Variants in ABCB1 observed in about 807,000 individuals in gnomAD.
ABCB1 encodes the protein ATP-dependent translocase ABCB1.
Under a neutral mutation model 142.0 loss-of-function variants are expected in ABCB1, and 69 were observed. The ratio of observed to expected loss-of-function variants is 0.49; its 90% confidence interval spans 0.40 to 0.59. The LOEUF (loss-of-function observed/expected upper bound fraction) is 0.59. Ranked by LOEUF, ABCB1 falls within the 20% of genes least tolerant of loss-of-function variation. ABCB1 has a pLI of 0.00. For missense variants in ABCB1, 1,326 were observed against 1,554.7 expected (o/e 0.85, Z 2.47); for synonymous variants, 532 against 539.2 (o/e 0.99, Z 0.18).
In ABCB1 at chr7:87,600,106, A is replaced by C; in HGVS notation, c.68+11T>G. ...ACTATGTAAACTATGAAAATGAAAC[A>C]AGCTAGTTACCTTTTATTGTTCAGT... On this transcript the variant is annotated intron_variant, in intron 2 of 27. Transcript: ENST00000622132. The C allele has an allele frequency of 4.3e-6, 7 of 1,609,820 alleles. No homozygotes were observed. Among genetic ancestry groups the C allele is most frequent in the African/African-American group, 1.3e-5 (1 of 74,972 alleles).
At chr7:87,698,509 T>C (rs936021278) in intron 1 of ABCB1, among the ~76,000 whole-genome samples, 26 of 152,360 alleles carry the variant, frequency 1.7e-4, no homozygotes, top group South Asian at 6.2e-4. Context: ...TATTTGATGT[T>C]TGTAATCTAT....
At chr7:87,609,977 C>T (rs777534771) in intron 1 of ABCB1, among the ~76,000 whole-genome samples, 8 of 152,142 alleles carry the variant, frequency 5.3e-5, no homozygotes, top group Admixed American at 1.3e-4. Flanking sequence ...ATGAGGCTAA[C>T]GGTAGTGTAG....
intron 1 of ABCB1, among the ~76,000 whole-genome samples, chr7:87,661,254 A>G (rs1292873308): frequency 6.6e-6 from 1 of 151,890 alleles, no homozygotes; most frequent in Non-Finnish European, 1.5e-5. Flanking sequence ...ATTTTTTTGC[A>G]TTACAAACAA....
chr7:87,629,896 C>G (rs1821028265), intron 1 of ABCB1, among the ~76,000 whole-genome samples: 1 of 149,160 alleles, frequency 6.7e-6, no homozygotes, highest in African/African-American at 2.5e-5. Flanking sequence ...GCACTCCAGC[C>G]GGGACCACAG....
chr7:87,674,833 C>G (rs1227725657), intron 1 of ABCB1, among the ~76,000 whole-genome samples: 1 of 152,152 alleles, frequency 6.6e-6, no homozygotes, highest in Non-Finnish European at 1.5e-5. Context: ...CTTTGTCCTA[C>G]AGGCAAGAGC....
In ABCB1 at chr7:87,549,977, T is replaced by A. The variant is rs1389565545; in HGVS notation, c.1428A>T (p.Glu476Asp). The A allele has an allele frequency of 1.9e-6, 3 of 1,614,170 alleles. No homozygotes were observed. In the African/African-American group the frequency reaches 4.0e-5, roughly 22 times the overall value. ...LREIIGVVSQ[E>D]PVLFATTIAE... is the part of the protein sequence containing the mutation. ...CTATCGTGGTGGCAAACAATACAGGTTCCTGACTCACCACACCAATGATTT... is the reference window on the plus strand; with the variant it reads ...CTATCGTGGTGGCAAACAATACAGGATCCTGACTCACCACACCAATGATTT... The change falls in exon 13 of 28, where the codon GAA becomes GAT. Residue 476 changes from glutamate to aspartate, a missense_variant. Physicochemically the swap from Glu to Asp is conservative, Grantham distance 45. Coordinates refer to ENST00000622132, the MANE Select transcript of ABCB1 (RefSeq NM_001348946.2).
At chr7:87,544,387 T>G in intron 16 of ABCB1, 112 bp from the exon 17 acceptor site, 7 of 1,051,182 alleles carry the variant, frequency 6.7e-6, no homozygotes, top group South Asian at 1.5e-5. Context: ...TCCTTATCAA[T>G]GAATAAGTGA....
chr7:87,651,898 T>C (rs902187561), intron 1 of ABCB1, among the ~76,000 whole-genome samples: 1 of 152,160 alleles, frequency 6.6e-6, no homozygotes, highest in Non-Finnish European at 1.5e-5. Context: ...GTTTGTAAAA[T>C]TGCTAATGCT....
chr7:87,604,917 A>G (rs1397365397), upstream of ABCB1, among the ~76,000 whole-genome samples: 1 of 152,096 alleles, frequency 6.6e-6, no homozygotes, highest in Non-Finnish European at 1.5e-5. Flanking sequence ...CTCATTTTGT[A>G]TTTATTATTA....
chr7:87,570,145 A>T (rs200223027), intron 5 of ABCB1, 27 bp downstream of exon 5: 2 of 1,602,220 alleles, frequency 1.2e-6, no homozygotes, highest in Non-Finnish European at 1.7e-6. Context: ...GAAAAACTTA[A>T]CAATAGTAAG....
chr7:87,541,879 G>A lies in ABCB1; in HGVS notation c.2212-415C>T, dbSNP rs117601217. Among the ~76,000 whole-genome samples the A allele has an allele frequency of 4.6e-5, 7 of 152,328 alleles. No individual in the cohort carries two copies. In the East Asian group the frequency reaches 1.3e-3, roughly 29 times the overall value. ...TGGTTTTTTGGTGAACCACAGAGTG[G>A]TGGTCATTCACTCAGCCCAGGCCTT... On this transcript the variant is annotated intron_variant, in intron 17 of 27. Coordinates refer to ENST00000622132, the MANE Select transcript of ABCB1 (RefSeq NM_001348946.2).
intron 1 of ABCB1, among the ~76,000 whole-genome samples, chr7:87,665,528 T>A (rs1825138239): frequency 6.6e-6 from 1 of 152,160 alleles, no homozygotes; most frequent in African/African-American, 2.4e-5. Flanking sequence ...ACCTATAGAT[T>A]CAATGCAGTA....
chr7:87,589,294 A>G (rs1013452599), intron 3 of ABCB1, among the ~76,000 whole-genome samples: 1 of 152,220 alleles, frequency 6.6e-6, no homozygotes, highest in Admixed American at 6.5e-5. Context: ...GAGGGTAAAA[A>G]TGAGAATACA....
chr7:87,517,750 T>C (rs894544684), intron 23 of ABCB1, among the ~76,000 whole-genome samples: 2 of 152,224 alleles, frequency 1.3e-5, no homozygotes, highest in African/African-American at 2.4e-5. Context: ...TTAAGATGCA[T>C]TGACGTTCTT....
intron 1 of ABCB1, among the ~76,000 whole-genome samples, chr7:87,644,701 T>C (rs2130323244): frequency 6.6e-6 from 1 of 152,202 alleles, no homozygotes. Context: ...AAATAATATA[T>C]GCTTGTTGTA....
intron 1 of ABCB1, among the ~76,000 whole-genome samples, chr7:87,619,500 C>T (rs557440236): frequency 6.0e-5 from 9 of 149,182 alleles, no homozygotes; most frequent in Non-Finnish European, 1.0e-4. Flanking sequence ...GACTGTGCCA[C>T]TGTACTCCAG....
chr7:87,593,930 C>T (rs972141032), intron 3 of ABCB1, among the ~76,000 whole-genome samples: 14 of 152,298 alleles, frequency 9.2e-5, no homozygotes, highest in East Asian at 1.9e-4. Flanking sequence ...AGCCATAAAT[C>T]CTCTGGGTCC....
intron 1 of ABCB1, chr7:87,628,584 CGTGTGTGTGTGTGTGTGTGT>C (rs71117546): frequency 7.9e-5 from 23 of 290,666 alleles, no homozygotes; most frequent in Middle Eastern, 9.2e-4. Flanking sequence ...TGCGTGCGTG[CGTGTGTGTGTGTGTGTGTGT>C]GTGTGTGTGT....
At chr7:87,666,232 A>C (rs1023711543) in intron 1 of ABCB1, among the ~76,000 whole-genome samples, 2 of 152,118 alleles carry the variant, frequency 1.3e-5, no homozygotes, top group African/African-American at 4.8e-5. Context: ...CATTTTTCTA[A>C]TGATCAGTGA....
Sources: gnomAD v4.1 joint callset for allele counts (sites outside exome capture counted in the v4.1 genomes callset) on GRCh38, gnomAD v4.1.1 for gene constraint, MANE v1.5 for transcripts, NCBI Gene and HGNC (gene_info 2026-07-23, HGNC 2026-07-21) for gene names.